ATP2B2: variants seen among roughly 807,000 people sequenced by gnomAD.
The protein encoded by ATP2B2 is plasma membrane calcium-transporting ATPase 2.
In ATP2B2, 15 loss-of-function variants were observed where a neutral mutation model predicts 120.0. The observed-to-expected ratio is 0.12, with a 90% CI of 0.08 to 0.19. The LOEUF is 0.19. Among genes scored for constraint, ATP2B2 ranks in the 10% least tolerant of loss-of-function variants. The pLI, the probability that ATP2B2 is intolerant of heterozygous loss-of-function variation, is 1.00. For missense variants in ATP2B2, 1,045 were observed against 1,719.8 expected, an observed-to-expected ratio of 0.61 and a Z score of 6.94; for synonymous variants, 694 against 700.3, an observed-to-expected ratio of 0.99 and a Z score of 0.14.
intron 1 of ATP2B2, among the ~76,000 whole-genome samples, chr3:10,490,717 C>T (rs982044136): frequency 7.2e-5 from 11 of 152,074 alleles, no homozygotes; most frequent in Non-Finnish European, 1.5e-4. Context: ...CATTCTTATC[C>T]AGAAAATCCT....
At chr3:10,537,181 T>C (rs1043082109) in intron 2 of ATP2B2, among the ~76,000 whole-genome samples, 1 of 152,216 alleles carries the variant, frequency 6.6e-6, no homozygotes, top group African/African-American at 2.4e-5. Flanking sequence ...TCTTCATTCT[T>C]TTTCAAAATT....
chr3:10,489,278 C>A (rs1038923537), intron 1 of ATP2B2, among the ~76,000 whole-genome samples: 4 of 152,168 alleles, frequency 2.6e-5, no homozygotes, highest in African/African-American at 9.7e-5. Flanking sequence ...TGTTTATGGT[C>A]TCTCTCCACC....
At chr3:10,511,926 G>A (rs1284111312) in intron 3 of ATP2B2, among the ~76,000 whole-genome samples, 1 of 152,216 alleles carries the variant, frequency 6.6e-6, no homozygotes, top group Non-Finnish European at 1.5e-5. Context: ...GAAGAAAGAA[G>A]AGGTGAAGAA....
intron 2 of ATP2B2, among the ~76,000 whole-genome samples, chr3:10,416,573 T>G (rs557517793): frequency 4.6e-5 from 7 of 152,180 alleles, no homozygotes; most frequent in Non-Finnish European, 8.8e-5. Context: ...TTGGAACTCA[T>G]GTTTGAGAGC....
At chr3:10,610,663 C>A (rs1007411716) in intron 2 of ATP2B2, among the ~76,000 whole-genome samples, 5 of 152,210 alleles carry the variant, frequency 3.3e-5, no homozygotes, top group African/African-American at 1.2e-4. Context: ...AGCCTCCATC[C>A]TCCCAAATCC....
intron 1 of ATP2B2, among the ~76,000 whole-genome samples, chr3:10,648,920 A>G (rs2070385080): frequency 6.6e-6 from 1 of 152,026 alleles, no homozygotes; most frequent in Non-Finnish European, 1.5e-5. Flanking sequence ...TCCTCTCATC[A>G]TCTTTCCAAT....
intron 2 of ATP2B2, among the ~76,000 whole-genome samples, chr3:10,594,030 C>T (rs916347531): frequency 1.3e-5 from 2 of 152,212 alleles, no homozygotes; most frequent in Middle Eastern, 6.3e-3. Flanking sequence ...CCATCTCACA[C>T]CAGTTAGAAT....
At chr3:10,330,307 C>T (rs1358857201) in intron 22 of ATP2B2, 1 of 154,378 alleles carries the variant, frequency 6.5e-6, no homozygotes, top group Non-Finnish European at 1.5e-5. Flanking sequence ...CTGGCTCTGC[C>T]ACATCTGGTG....
chr3:10,339,916 A>G (rs1452122685), intron 21 of ATP2B2, among the ~76,000 whole-genome samples: 2 of 152,218 alleles, frequency 1.3e-5, no homozygotes, highest in Admixed American at 1.3e-4. Flanking sequence ...TCCATTTATG[A>G]CAAGTGATAC....
intron 1 of ATP2B2, among the ~76,000 whole-genome samples, chr3:10,688,221 A>G (rs2071571039): frequency 6.6e-6 from 1 of 152,166 alleles, no homozygotes; most frequent in Non-Finnish European, 1.5e-5. Flanking sequence ...CCCAGAAGAC[A>G]AAACATACCA....
At chr3:10,356,689 G>A (rs1574999181) in intron 14 of ATP2B2, among the ~76,000 whole-genome samples, 1 of 152,186 alleles carries the variant, frequency 6.6e-6, no homozygotes, top group East Asian at 1.9e-4. Flanking sequence ...CAGGGTGTAG[G>A]CAGGCCAGCC....
intron 2 of ATP2B2, among the ~76,000 whole-genome samples, chr3:10,413,422 T>A (rs2062680490): frequency 1.3e-5 from 2 of 152,212 alleles, no homozygotes; most frequent in South Asian, 4.1e-4. Context: ...GCTCTTGGGA[T>A]CCCATGTCCT....
intron 1 of ATP2B2, among the ~76,000 whole-genome samples, chr3:10,656,944 T>A (rs1575597685): frequency 6.6e-6 from 1 of 151,386 alleles, no homozygotes; most frequent in East Asian, 1.9e-4. Flanking sequence ...GGGGCTGGAG[T>A]GAGTGAAGGG....
chr3:10,520,615 G>A (rs1326317530), intron 3 of ATP2B2, among the ~76,000 whole-genome samples: 6 of 151,952 alleles, frequency 3.9e-5, no homozygotes, highest in African/African-American at 9.7e-5. Flanking sequence ...GATTACAGGC[G>A]GGCACCACCA....
chr3:10,339,337 G>A (rs2060212194), intron 21 of ATP2B2, among the ~76,000 whole-genome samples: 1 of 152,136 alleles, frequency 6.6e-6, no homozygotes, highest in Non-Finnish European at 1.5e-5. Flanking sequence ...GTTAATTTTT[G>A]CCCCCGTAGC....
intron 1 of ATP2B2, among the ~76,000 whole-genome samples, chr3:10,483,856 G>A (rs1274663020): frequency 1.3e-5 from 2 of 152,238 alleles, no homozygotes; most frequent in African/African-American, 4.8e-5. Flanking sequence ...GGAAGGACTT[G>A]GGGGCCGGTG....
chr3:10,501,109 C>A (rs539554179), intron 1 of ATP2B2, among the ~76,000 whole-genome samples: 1 of 152,330 alleles, frequency 6.6e-6, no homozygotes, highest in Admixed American at 6.5e-5. Context: ...GGAACCTGAG[C>A]TGTGGCCCCT....
At chr3:10,702,888 G>A (rs1489063628) in intron 1 of ATP2B2, among the ~76,000 whole-genome samples, 1 of 152,070 alleles carries the variant, frequency 6.6e-6, no homozygotes, top group Non-Finnish European at 1.5e-5. Flanking sequence ...AATGAGATTA[G>A]CGGAGGCTTG....
rs530948736 is a variant in ATP2B2, at chr3:10,600,585, C to T, written c.-415+19332G>A. On this transcript the variant is annotated intron_variant, in intron 2 of 21. Coordinates refer to the ATP2B2 transcript ENST00000646379. Reference sequence around the variant, plus strand: ...ACTGGCTCTGCTTACAGGCATTGGCCGTGGATTTACTCACAAGCCTCTGGT... The same window carrying T: ...ACTGGCTCTGCTTACAGGCATTGGCTGTGGATTTACTCACAAGCCTCTGGT... Among the ~76,000 whole-genome samples, 10 of 152,320 alleles carry T rather than the reference C, an allele frequency of 6.6e-5. No individual in the cohort carries two copies. The East Asian group carries it at 7.7e-4, about 12-fold the overall frequency.
Sources: gnomAD v4.1 joint callset for allele counts (sites outside exome capture counted in the v4.1 genomes callset) on GRCh38, gnomAD v4.1.1 for gene constraint, MANE v1.5 for transcripts, NCBI Gene and HGNC (gene_info 2026-07-23, HGNC 2026-07-21) for gene names.